Variants in CACNB2 observed in about 807,000 individuals in gnomAD.
The protein encoded by CACNB2 is calcium voltage-gated channel auxiliary subunit beta 2.
A neutral mutation model predicts 73.3 loss-of-function variants in CACNB2; 42 were observed. The observed-to-expected ratio is 0.57, with a 90% CI of 0.45 to 0.74. CACNB2 has a LOEUF of 0.74. Among genes scored for constraint, CACNB2 ranks in the 30% least tolerant of loss-of-function variants. The pLI, the probability that CACNB2 is intolerant of heterozygous loss-of-function variation, is 0.00. For missense variants in CACNB2, 940 were observed against 853.0 expected (o/e 1.10, Z -1.27); for synonymous variants, 348 against 310.3 (o/e 1.12, Z -1.28).
intron 2 of CACNB2, among the ~76,000 whole-genome samples, chr10:18,360,822 G>A (rs1181290967): frequency 2.0e-5 from 3 of 152,200 alleles, no homozygotes; most frequent in African/African-American, 7.2e-5. Flanking sequence ...AGCAGAACAG[G>A]ACTGTCTGAT....
At chr10:18,344,752 G>A (rs1461375916) in intron 2 of CACNB2, among the ~76,000 whole-genome samples, 1 of 151,956 alleles carries the variant, frequency 6.6e-6, no homozygotes, top group African/African-American at 2.4e-5. Context: ...ACACCAGCCT[G>A]GGCAACAACT....
intron 2 of CACNB2, among the ~76,000 whole-genome samples, chr10:18,243,498 C>A (rs1166909466): frequency 6.6e-5 from 10 of 152,222 alleles, no homozygotes; most frequent in Non-Finnish European, 1.5e-4. Flanking sequence ...GTAGTTCGTG[C>A]CTCCCAAAAC....
At chr10:18,182,757 G>A (rs2033954038) in intron 2 of CACNB2, among the ~76,000 whole-genome samples, 1 of 151,470 alleles carries the variant, frequency 6.6e-6, no homozygotes. Flanking sequence ...GGGAGCCAGA[G>A]GTTGCAGTGA....
At chr10:18,199,355 G>A (rs1181930484) in intron 2 of CACNB2, among the ~76,000 whole-genome samples, 1 of 152,154 alleles carries the variant, frequency 6.6e-6, no homozygotes. Context: ...CCAACTTCTA[G>A]GAAGAAAAGC....
chr10:18,518,400 C>G lies in CACNB2; in HGVS notation c.869C>G (p.Ser290Cys), dbSNP rs1254972480. 6.2e-7 allele frequency: 1 copy of G among 1,610,532 alleles called. No homozygotes were observed. The change falls in exon 8 of 14, where the codon TCT becomes TGT. Residue 290 changes from serine (S) to cysteine (C), a missense_variant. Transcript: ENST00000324631. ...SMRPVVLVGP[S>C]LKGYEVTDMM... ...CGACCAGTGGTCCTAGTGGGCCCTT[C>G]TCTGAAGGGCTACGAGGTGGGTAGC... is the stretch of plus-strand genomic sequence containing the variant.
chr10:18,355,626 TTC>T (rs1375088424), intron 2 of CACNB2, among the ~76,000 whole-genome samples: 3 of 151,642 alleles, frequency 2.0e-5, no homozygotes, highest in Non-Finnish European at 4.4e-5. Flanking sequence ...GATCTGATTT[TTC>T]TCTTTTTTTT....
intron 2 of CACNB2, among the ~76,000 whole-genome samples, chr10:18,335,112 G>A (rs1461416926): frequency 6.7e-6 from 1 of 150,192 alleles, no homozygotes; most frequent in Admixed American, 6.6e-5. Context: ...GTGAAAATTT[G>A]TCAGAAGTAT....
intron 2 of CACNB2, among the ~76,000 whole-genome samples, chr10:18,291,018 C>A (rs2039044045): frequency 6.6e-6 from 1 of 152,156 alleles, no homozygotes; most frequent in South Asian, 2.1e-4. Context: ...AACAAATGTC[C>A]CTGGTTGTTA....
intron 2 of CACNB2, among the ~76,000 whole-genome samples, chr10:18,384,977 A>G (rs1463771793): frequency 2.6e-5 from 4 of 151,918 alleles, no homozygotes; most frequent in Admixed American, 1.3e-4. Flanking sequence ...CACATGCAGA[A>G]CTTTGAAAAG....
intron 2 of CACNB2, chr10:18,257,305 A>G (rs541983238): frequency 6.6e-6 from 1 of 152,314 alleles, no homozygotes; most frequent in East Asian, 1.9e-4. Flanking sequence ...CCAGCAGCCG[A>G]TGTCTGTCTC....
intron 1 of CACNB2, among the ~76,000 whole-genome samples, chr10:18,148,107 A>C (rs903873382): frequency 5.3e-5 from 8 of 152,114 alleles, no homozygotes; most frequent in African/African-American, 1.9e-4. Flanking sequence ...AAAAAAAAGA[A>C]ACTTTAGAAG....
In CACNB2 at chr10:18,171,587, TA is replaced by T. The variant is rs974444420; in HGVS notation, c.213+20628del. On this transcript the variant is annotated intron_variant, in intron 2 of 13. Transcript: ENST00000324631. ...TTCTTCATCCTTCTTAATTCCAGTT[TA>T]AAAAAAAAAAAAAAAGGAAGGACTC... Among the ~76,000 whole-genome samples, 636 of 104,382 alleles carry T rather than the reference TA, an allele frequency of 6.1e-3. 7 individuals carry two copies. The highest frequency in any genetic ancestry group is 0.028 in the Admixed American group (291 of 10,432). The allele number at this position is 104,382 out of a possible 152,430, so 68.5% of individuals were successfully genotyped here. A position where few individuals can be genotyped will look rare whatever the true frequency, so the allele number is the denominator to read the frequency against.
intron 2 of CACNB2, among the ~76,000 whole-genome samples, chr10:18,216,343 G>A (rs2131370701): frequency 6.6e-6 from 1 of 152,132 alleles, no homozygotes; most frequent in Admixed American, 6.5e-5. Flanking sequence ...AGTCTTGAAT[G>A]CTTCTCTGAG....
intron 2 of CACNB2, among the ~76,000 whole-genome samples, chr10:18,173,045 C>T (rs1039634981): frequency 3.3e-5 from 5 of 151,540 alleles, no homozygotes; most frequent in Non-Finnish European, 7.4e-5. Flanking sequence ...CTCAGCCTAC[C>T]GAGTAGCTGG....
intron 2 of CACNB2, among the ~76,000 whole-genome samples, chr10:18,361,979 G>A (rs893841633): frequency 3.3e-5 from 5 of 152,070 alleles, no homozygotes; most frequent in African/African-American, 1.2e-4. Context: ...TATTATTACT[G>A]CTACACATTT....
chr10:18,234,236 G>C (rs1304340590), intron 2 of CACNB2: 1 of 152,182 alleles, frequency 6.6e-6, no homozygotes. Context: ...GAGGTGTCTG[G>C]GTCACTTTTC....
chr10:18,473,397 T>C (rs1195454787), intron 3 of CACNB2, among the ~76,000 whole-genome samples: 2 of 152,226 alleles, frequency 1.3e-5, no homozygotes, highest in Non-Finnish European at 2.9e-5. Flanking sequence ...TCTATAGATT[T>C]ATTACAGCCT....
intron 2 of CACNB2, among the ~76,000 whole-genome samples, chr10:18,218,972 T>G (rs1289235949): frequency 6.6e-6 from 1 of 152,208 alleles, no homozygotes; most frequent in African/African-American, 2.4e-5. Context: ...AAGACCGGCC[T>G]GGGCAACATG....
chr10:18,462,486 C>G (rs2047635009), intron 3 of CACNB2, among the ~76,000 whole-genome samples: 1 of 152,068 alleles, frequency 6.6e-6, no homozygotes, highest in Non-Finnish European at 1.5e-5. Flanking sequence ...AATTCCTGGG[C>G]TCAAGCTATC....
Sources: gnomAD v4.1 joint callset for allele counts (sites outside exome capture counted in the v4.1 genomes callset) on GRCh38, gnomAD v4.1.1 for gene constraint, MANE v1.5 for transcripts, NCBI Gene and HGNC (gene_info 2026-07-23, HGNC 2026-07-21) for gene names.